Variants in TRIM10 observed in about 807,000 individuals in gnomAD.
TRIM10 encodes tripartite motif containing 10.
A neutral mutation model predicts 40.0 loss-of-function variants in TRIM10; 42 were observed. The observed-to-expected ratio is 1.05, with a 90% CI of 0.82 to 1.36. The LOEUF (loss-of-function observed/expected upper bound fraction) is 1.36. TRIM10 is among the 40% of genes most tolerant of loss of function. The pLI, the probability that TRIM10 is intolerant of heterozygous loss-of-function variation, is 0.00. For synonymous variants in TRIM10, 260 were observed against 239.5 expected (o/e 1.09, Z -0.79); for missense variants, 601 against 608.3 (o/e 0.99, Z 0.13).
rs751423482 is a variant in TRIM10, at chr6:30,158,588, G to C, written c.567C>G (p.Phe189Leu). 6.2e-7 allele frequency: 1 copy of C among 1,612,876 alleles called. No homozygotes were observed. The highest frequency in any genetic ancestry group is 1.3e-5 in the African/African-American group (1 of 74,880). Residue 189 changes from phenylalanine (F) to leucine (L), a missense_variant, in exon 3 of 7, where the codon TTC becomes TTG. By Grantham distance (22) the Phe-to-Leu change is conservative. Transcript: ENST00000449742. ...CCTCTAGAAACTTCCTCAGGTGTGC[G>C]AACTCAGAAATCACCTGTTGTCTCT... The part of the protein sequence containing the change: ...STKRQQVISE[F>L]AHLRKFLEEQ...
rs144871957 is a variant in TRIM10, at chr6:30,153,566, C to T, written c.*403G>A. On this transcript the variant is annotated 3_prime_UTR_variant, in exon 7 of 7. Transcript: ENST00000449742. Reference sequence around the variant, plus strand: ...GTTCTAGAGAATGTGATTACATGAACTCTAACATTATTGGAAGAAAACAAG... The same window carrying T: ...GTTCTAGAGAATGTGATTACATGAATTCTAACATTATTGGAAGAAAACAAG... 11,703 of 874,610 alleles carry T rather than the reference C, an allele frequency of 0.013. 686 individuals carry two copies. Among genetic ancestry groups the T allele is most frequent in the South Asian group, 0.13 (7,842 of 62,424 alleles). The allele number at this position is 874,610 out of a possible 1,614,324, so 54.2% of individuals were successfully genotyped here.
At chr6:30,157,217 T>C in intron 4 of TRIM10, 152 bp downstream of exon 4, 1 of 1,080,386 alleles carries the variant, frequency 9.3e-7, no homozygotes, top group Non-Finnish European at 1.4e-6. Flanking sequence ...TCTATGGATA[T>C]ACCTGAGAAG....
chr6:30,160,509 A>C lies in TRIM10; in HGVS notation c.350T>G (p.Leu117Trp). The change falls in exon 1 of 7, where the codon TTG becomes TGG. Residue 117 changes from leucine to tryptophan, a missense_variant. Physicochemically the swap from Leu to Trp is moderately conservative, Grantham distance 61. Coordinates refer to ENST00000449742, the MANE Select transcript of TRIM10 (RefSeq NM_006778.4). Reference sequence around the variant, plus strand: ...CCCAGCCTCCCGGCACACCACGCACAACTGCATCTCATCATCCTCACAGAA... The same window carrying C: ...CCCAGCCTCCCGGCACACCACGCACCACTGCATCTCATCATCCTCACAGAA... Reference protein sequence around the residue: ...YFFCEDDEMQLCVVCREAGEH... With the variant: ...YFFCEDDEMQWCVVCREAGEH... 2 of 1,614,196 alleles carry C rather than the reference A, an allele frequency of 1.2e-6. No individual in the cohort carries two copies. The highest frequency in any genetic ancestry group is 1.7e-6 in the Non-Finnish European group (2 of 1,180,020).
At position 30,152,677 on chromosome 6, in the gene TRIM10, A is replaced by G. The variant is rs1487276036; in HGVS notation, c.*1292T>C. On this transcript the variant is annotated 3_prime_UTR_variant, in exon 7 of 7. Coordinates refer to ENST00000449742, the MANE Select transcript of TRIM10 (RefSeq NM_006778.4). ...GGGAGATGACAGAGCATTGTAGTTT[A>G]CACTGAGCAGAGTAAACAGATGATG... 1 of 143,348 alleles carries G rather than the reference A, an allele frequency of 7.0e-6. No homozygotes were observed. The highest frequency in any genetic ancestry group is 2.5e-5 in the African/African-American group (1 of 40,342). 8.9% of individuals were successfully genotyped at this position (143,348 alleles called of 1,614,324 possible). A position where few individuals can be genotyped will look rare whatever the true frequency, so the allele number is the denominator to read the frequency against.
At chr6:30,155,549 A>T (rs1443514499) in intron 6 of TRIM10, among the ~76,000 whole-genome samples, 178 bp downstream of exon 6, 1 of 151,862 alleles carries the variant, frequency 6.6e-6, no homozygotes, top group Non-Finnish European at 1.5e-5. Flanking sequence ...ATATACACAC[A>T]TGTATTATAT....
Position 30,160,780 on chromosome 6 carries a change from C to T in TRIM10, c.79G>A (p.Val27Ile), listed in dbSNP as rs1189022642. The T allele has an allele frequency of 3.1e-6, 5 of 1,613,976 alleles. No individual in the cohort carries two copies. The highest frequency in any genetic ancestry group is 4.2e-6 in the Non-Finnish European group (5 of 1,180,028). ...PICQGTLREP[V>I]TIDCGHNFCR... ...AAGTTGTGGCCGCAGTCGATAGTGA[C>T]CGGCTCCCTCAGGGTACCCTGACAG... Residue 27 changes from valine (V) to isoleucine (I), a missense_variant, in exon 1 of 7, where the codon GTC (valine) becomes ATC (isoleucine). Transcript: ENST00000449742.
At position 30,153,890 on chromosome 6, in the gene TRIM10, T is replaced by C; in HGVS notation, c.*79A>G. ...TTCTATTCCAAGTCATCCAGGTGAT[T>C]CAGCCAGGGATCAAGTCCACATGGT... On this transcript the variant is annotated 3_prime_UTR_variant, in exon 7 of 7. Coordinates refer to ENST00000449742, the MANE Select transcript of TRIM10 (RefSeq NM_006778.4). 3 of 1,588,112 alleles carry C rather than the reference T, an allele frequency of 1.9e-6. No homozygotes were observed. Among genetic ancestry groups the C allele is most frequent in the Non-Finnish European group, 2.6e-6 (3 of 1,165,168 alleles).
chr6:30,163,239 A>AG, upstream of TRIM10: 3 of 175,998 alleles, frequency 1.7e-5, no homozygotes, highest in Admixed American at 5.4e-5. Flanking sequence ...CAGAGCCAGA[A>AG]GTTTATGGCT....
rs1772084348 is a variant in TRIM10 at position 30,152,328 on chromosome 6, C to T, written c.*1641G>A. ...TCCTTTCAAAAGACACAGCTAAAGC[C>T]AATAAAAATAAACAAAAATAGGATC... On this transcript the variant is annotated 3_prime_UTR_variant, in exon 7 of 7. Transcript: ENST00000449742. 1 of 145,112 alleles carries T rather than the reference C, an allele frequency of 6.9e-6. No individual in the cohort carries two copies. Among genetic ancestry groups the T allele is most frequent in the Non-Finnish European group, 1.6e-5 (1 of 64,448 alleles). The allele number at this position is 145,112 out of a possible 1,614,324, so 9.0% of individuals were successfully genotyped here. A position where few individuals can be genotyped will look rare whatever the true frequency, so the allele number is the denominator to read the frequency against.
intron 6 of TRIM10, chr6:30,154,790 C>G: frequency 4.5e-6 from 3 of 663,422 alleles, no homozygotes; most frequent in South Asian, 4.5e-5. Context: ...CTGCTCACCG[C>G]AAGTTGGCTG....
rs148579679 is a variant in TRIM10, at chr6:30,160,443, G to A, written c.416C>T (p.Ala139Val). The change falls in exon 1 of 7, where the codon GCG becomes GTG. Residue 139 changes from alanine (A) to valine (V), a missense_variant. Physicochemically the swap from Ala to Val is moderately conservative, Grantham distance 64 (BLOSUM62 0). Coordinates refer to ENST00000449742, the MANE Select transcript of TRIM10 (RefSeq NM_006778.4). ...THTMRFLEDA[A>V]APYREQIHKC... ...CCCCTTTCCTACCCTATAGGGAGCCGCTGCATCCTCCAGGAAGCGCATGGT... is the reference window on the plus strand; with the variant it reads ...CCCCTTTCCTACCCTATAGGGAGCCACTGCATCCTCCAGGAAGCGCATGGT... The A allele has an allele frequency of 3.5e-5, 56 of 1,613,552 alleles. No homozygotes were observed. Among genetic ancestry groups the A allele is most frequent in the African/African-American group, 5.3e-5 (4 of 74,892 alleles).
Position 30,154,493 on chromosome 6 carries a change from G to A in TRIM10, c.929-7C>T, listed in dbSNP as rs1310952594. ...GGGTCTAGAGAAATGTGAGCTGTGG[G>A]GATAACCAAAAGGGACAGATGTCAG... On this transcript the variant is annotated splice_polypyrimidine_tract_variant and splice_region_variant and intron_variant, in intron 6 of 6. Coordinates refer to ENST00000449742, the MANE Select transcript of TRIM10 (RefSeq NM_006778.4). 4 of 1,607,894 alleles carry A rather than the reference G, an allele frequency of 2.5e-6. No homozygotes were observed. The highest frequency in any genetic ancestry group is 3.3e-5 in the Admixed American group (2 of 59,974).
At chr6:30,157,885 A>G (rs566768857) in intron 3 of TRIM10, among the ~76,000 whole-genome samples, 6 of 152,164 alleles carry the variant, frequency 3.9e-5, no homozygotes, top group Admixed American at 2.0e-4. Flanking sequence ...TCCCCTGCTC[A>G]CTGGAGGCAA....
At chr6:30,161,385 G>T (rs1290324186), upstream of TRIM10, among the ~76,000 whole-genome samples, 2 of 152,164 alleles carry the variant, frequency 1.3e-5, no homozygotes, top group East Asian at 1.9e-4. Context: ...TTGTGCCAGG[G>T]TGTACACTGC....
At position 30,157,355 on chromosome 6, in the gene TRIM10, A is replaced by T; in HGVS notation, c.779+14T>A. On this transcript the variant is annotated intron_variant, in intron 4 of 6. Coordinates refer to ENST00000449742, the MANE Select transcript of TRIM10 (RefSeq NM_006778.4). ...TTATATGGAAAAAGAAAAGAGAGAAACTATATTGCTTACCTTATTAGAGTG... is the reference window on the plus strand; with the variant it reads ...TTATATGGAAAAAGAAAAGAGAGAATCTATATTGCTTACCTTATTAGAGTG... 1.3e-6 allele frequency: 2 copies of T among 1,592,796 alleles called. No individual in the cohort carries two copies. The highest frequency in any genetic ancestry group is 2.3e-5 in the South Asian group (2 of 87,366).
At chr6:30,156,888 A>AG in intron 5 of TRIM10, 51 bp downstream of exon 5, 2 of 1,549,154 alleles carry the variant, frequency 1.3e-6, no homozygotes, top group African/African-American at 2.7e-5. Context: ...CCACTCCTAA[A>AG]CCCAGGCTTC....
At chr6:30,158,314 G>C (rs1163444649) in intron 3 of TRIM10, 85 bp downstream of exon 3, 2 of 1,152,396 alleles carry the variant, frequency 1.7e-6, no homozygotes, top group Middle Eastern at 2.1e-4. Flanking sequence ...AGATGTGTGA[G>C]TCAGGGAGAC....
At chr6:30,156,462 C>T (rs964125517) in intron 5 of TRIM10, among the ~76,000 whole-genome samples, 2 of 152,008 alleles carry the variant, frequency 1.3e-5, no homozygotes, top group Non-Finnish European at 2.9e-5. Context: ...AGCACAGTCC[C>T]CGTAGGACCG....
upstream of TRIM10, among the ~76,000 whole-genome samples, chr6:30,162,931 AAAAT>A (rs9278598): frequency 0.12 from 17,924 of 143,712 alleles, 1,273 homozygotes; most frequent in South Asian, 0.24. Flanking sequence ...CGCTACAGTA[AAAAT>A]AAATAAATAA....
Sources: gnomAD v4.1 joint callset for allele counts (sites outside exome capture counted in the v4.1 genomes callset) on GRCh38, gnomAD v4.1.1 for gene constraint, MANE v1.5 for transcripts, NCBI Gene and HGNC (gene_info 2026-07-23, HGNC 2026-07-21) for gene names.